The following MYRFL variants were observed in gnomAD, a reference collection of about 807,000 sequenced individuals.
MYRFL encodes myelin regulatory factor-like protein.
Under a neutral mutation model 109.4 loss-of-function variants are expected in MYRFL, and 88 were observed. The ratio of observed to expected loss-of-function variants is 0.80; its 90% CI spans 0.68 to 0.96. The LOEUF (loss-of-function observed/expected upper bound fraction) is 0.96. MYRFL is among the 40% of genes least tolerant of loss of function. MYRFL has a pLI of 0.00. For synonymous variants in MYRFL, 324 were observed against 320.9 expected (o/e 1.01, Z -0.10); for missense variants, 957 against 954.9 (o/e 1.00, Z -0.03).
At chr12:69,903,871 C>G in intron 11 of MYRFL, 27 bp downstream of exon 11, 1 of 1,490,378 alleles carries the variant, frequency 6.7e-7, no homozygotes, top group Non-Finnish European at 8.9e-7. Flanking sequence ...GCCCTGGGCC[C>G]CTCCTCTGAC....
At chr12:69,913,151 G>A (rs1954625369) in intron 13 of MYRFL, among the ~76,000 whole-genome samples, 1 of 151,950 alleles carries the variant, frequency 6.6e-6, no homozygotes, top group South Asian at 2.1e-4. Flanking sequence ...TTTTTGACTT[G>A]GGTTGTTTAC....
At chr12:69,865,333 G>T (rs1412186779) in intron 2 of MYRFL, among the ~76,000 whole-genome samples, 2 of 152,188 alleles carry the variant, frequency 1.3e-5, no homozygotes, top group Admixed American at 6.5e-5. Flanking sequence ...ACCCAGCAGG[G>T]TCTGTTCAGA....
At chr12:69,828,283 A>T (rs1447265022) in intron 1 of MYRFL, among the ~76,000 whole-genome samples, 1 of 152,134 alleles carries the variant, frequency 6.6e-6, no homozygotes, top group African/African-American at 2.4e-5. Flanking sequence ...TGATTTTTAT[A>T]TATAGATATG....
chr12:69,913,391 A>T (rs1954635503), intron 13 of MYRFL, among the ~76,000 whole-genome samples: 1 of 152,176 alleles, frequency 6.6e-6, no homozygotes, highest in East Asian at 1.9e-4. Flanking sequence ...CCAATATTGT[A>T]AAGATTGTGC....
At chr12:69,949,434 C>G (rs1955918038) in intron 19 of MYRFL, among the ~76,000 whole-genome samples, 1 of 152,168 alleles carries the variant, frequency 6.6e-6, no homozygotes, top group Non-Finnish European at 1.5e-5. Flanking sequence ...TGACAGGAGC[C>G]TAGCCACTCC....
At chr12:69,898,645 A>G (rs1159393585) in intron 10 of MYRFL, among the ~76,000 whole-genome samples, 2 of 152,276 alleles carry the variant, frequency 1.3e-5, no homozygotes, top group African/African-American at 4.8e-5. Context: ...AGGAAGGAAT[A>G]GAGACAGATA....
chr12:69,935,196 T>TC, intron 16 of MYRFL, among the ~76,000 whole-genome samples: 1 of 148,002 alleles, frequency 6.8e-6, no homozygotes, highest in Admixed American at 7.0e-5. Context: ...CACAGTTTTT[T>TC]TTTGTGTATC....
chr12:69,844,820 A>G (rs1883433617), intron 1 of MYRFL, among the ~76,000 whole-genome samples: 1 of 152,134 alleles, frequency 6.6e-6, no homozygotes, highest in Non-Finnish European at 1.5e-5. Context: ...TCAAACTCTG[A>G]GCATCCCTGG....
At chr12:69,855,743 A>G (rs1401967328) in intron 2 of MYRFL, among the ~76,000 whole-genome samples, 2 of 151,576 alleles carry the variant, frequency 1.3e-5, no homozygotes, top group East Asian at 3.9e-4. Flanking sequence ...TAGGATCTAT[A>G]GTGATGATTC....
chr12:69,928,758 G>A (rs541800690), intron 15 of MYRFL, among the ~76,000 whole-genome samples: 21 of 152,074 alleles, frequency 1.4e-4, no homozygotes, highest in Non-Finnish European at 2.6e-4. Context: ...TTAGGATTAG[G>A]GGAGCTAAAG....
At chr12:69,852,862 T>A (rs548673593) in intron 1 of MYRFL, among the ~76,000 whole-genome samples, 1 of 152,204 alleles carries the variant, frequency 6.6e-6, no homozygotes, top group African/African-American at 2.4e-5. Flanking sequence ...CATTTAACCC[T>A]GAGTTGACAC....
chr12:69,930,159 G>A (rs1955224914), intron 15 of MYRFL, among the ~76,000 whole-genome samples: 1 of 152,162 alleles, frequency 6.6e-6, no homozygotes, highest in Admixed American at 6.5e-5. Context: ...TGTGGGTCAT[G>A]GAAATGCTTG....
chr12:69,952,152 G>T lies in MYRFL; in HGVS notation c.2264G>T (p.Ser755Ile), dbSNP rs1205743307. Residue 755 changes from serine (S) to isoleucine (I), a missense_variant, in exon 20 of 25, where the codon AGC (serine) becomes ATC (isoleucine). Physicochemically the swap from Ser to Ile is moderately radical, Grantham distance 142 (BLOSUM62 -2). Coordinates refer to ENST00000552032, the MANE Select transcript of MYRFL (RefSeq NM_182530.3). ...SKSVLARNAL[S>I]GPDWESDWID... ...TCAGTTTTGGCAAGAAATGCACTCA[G>T]CGGCCCTGACTGGGAGAGTGACTGT... 3.9e-6 allele frequency: 6 copies of T among 1,535,982 alleles called. No individual in the cohort carries two copies. Among genetic ancestry groups the T allele is most frequent in the Non-Finnish European group, 5.2e-6 (6 of 1,146,910 alleles).
At chr12:69,863,472 G>A (rs1044098082) in intron 2 of MYRFL, among the ~76,000 whole-genome samples, 3 of 152,112 alleles carry the variant, frequency 2.0e-5, no homozygotes, top group Non-Finnish European at 4.4e-5. Context: ...GTGGTAACTC[G>A]AGGGACAACA....
intron 13 of MYRFL, among the ~76,000 whole-genome samples, chr12:69,913,473 AT>A (rs1032405086): frequency 6.6e-6 from 1 of 151,994 alleles, no homozygotes; most frequent in Admixed American, 6.6e-5. Flanking sequence ...TTTAGTTAAT[AT>A]TTGTGTTAGG....
intron 2 of MYRFL, among the ~76,000 whole-genome samples, chr12:69,865,985 A>G (rs975616129): frequency 4.6e-5 from 7 of 152,152 alleles, no homozygotes; most frequent in Admixed American, 4.6e-4. Context: ...AAATAGGTAT[A>G]TTATCTGTGT....
chr12:69,880,361 C>A, intron 5 of MYRFL, 69 bp downstream of exon 5: 1 of 674,394 alleles, frequency 1.5e-6, no homozygotes, highest in Non-Finnish European at 2.7e-6. Flanking sequence ...AGGCTTTTTA[C>A]CAGCCTTTGA....
chr12:69,899,930 G>T (rs1002556377), intron 10 of MYRFL, among the ~76,000 whole-genome samples: 2 of 152,192 alleles, frequency 1.3e-5, no homozygotes, highest in Non-Finnish European at 2.9e-5. Flanking sequence ...TTTCCCAGTG[G>T]AGTTCCTTCA....
intron 1 of MYRFL, among the ~76,000 whole-genome samples, chr12:69,853,107 T>G (rs530425392): frequency 1.3e-5 from 2 of 152,332 alleles, no homozygotes; most frequent in South Asian, 4.1e-4. Context: ...TGGGTACACC[T>G]CCCAGACGGG....
Sources: allele counts gnomAD v4.1 joint callset (sites outside exome capture counted in the v4.1 genomes callset), GRCh38; gene constraint gnomAD v4.1.1; transcripts MANE v1.5; gene names NCBI Gene and HGNC (gene_info 2026-07-23, HGNC 2026-07-21).